Variants in B3GALT1 observed in about 807,000 individuals in gnomAD.
The protein encoded by B3GALT1 is beta-1,3-galactosyltransferase 1.
A neutral mutation model predicts 23.2 loss-of-function variants in B3GALT1; 10 were observed. The observed-to-expected ratio is 0.43, with a 90% confidence interval of 0.27 to 0.73. B3GALT1 has a LOEUF of 0.73. Among genes scored for constraint, B3GALT1 ranks in the 30% least tolerant of loss-of-function variants. The probability of loss-of-function intolerance (pLI) is 0.21; values close to 1 mark genes in which losing one functional copy is unlikely to be tolerated. For synonymous variants in B3GALT1, 156 were observed against 141.5 expected (o/e 1.10, Z -0.73); for missense variants, 299 against 405.4 (o/e 0.74, Z 2.25).
intron 3 of B3GALT1, among the ~76,000 whole-genome samples, chr2:167,746,712 C>T (rs1687658412): frequency 6.6e-6 from 1 of 152,162 alleles, no homozygotes; most frequent in South Asian, 2.1e-4. Context: ...CCATGTTATA[C>T]ACTAATTAAA....
At chr2:167,552,632 G>C (rs2105381856) in intron 2 of B3GALT1, among the ~76,000 whole-genome samples, 1 of 152,168 alleles carries the variant, frequency 6.6e-6, no homozygotes, top group Middle Eastern at 3.4e-3. Flanking sequence ...CAATAATATA[G>C]AGTAAATAGT....
At chr2:167,431,019 G>T (rs1698698306) in intron 1 of B3GALT1, among the ~76,000 whole-genome samples, 1 of 152,110 alleles carries the variant, frequency 6.6e-6, no homozygotes, top group Non-Finnish European at 1.5e-5. Flanking sequence ...TTTATATTTG[G>T]ACAACAGAGA....
At chr2:167,742,529 A>G (rs948133858) in intron 3 of B3GALT1, among the ~76,000 whole-genome samples, 1 of 152,164 alleles carries the variant, frequency 6.6e-6, no homozygotes, top group African/African-American at 2.4e-5. Context: ...AGTCCAAAAT[A>G]TGGGTGTGTA....
intron 2 of B3GALT1, among the ~76,000 whole-genome samples, chr2:167,622,151 T>G (rs940877556): frequency 3.3e-5 from 5 of 152,086 alleles, no homozygotes; most frequent in African/African-American, 1.2e-4. Flanking sequence ...TCTGTGTTCT[T>G]GGGAAAGACA....
At chr2:167,293,652 A>G (rs773402479) in intron 1 of B3GALT1, among the ~76,000 whole-genome samples, 25 of 152,232 alleles carry the variant, frequency 1.6e-4, no homozygotes, top group Admixed American at 3.3e-4. Context: ...ACGTCCTTCA[A>G]GGACCCAAGC....
At chr2:167,566,718 T>A (rs1167605563) in intron 2 of B3GALT1, among the ~76,000 whole-genome samples, 1 of 152,148 alleles carries the variant, frequency 6.6e-6, no homozygotes, top group Non-Finnish European at 1.5e-5. Context: ...CTTGAGCATG[T>A]ATAGAATGGG....
chr2:167,299,027 G>A (rs956267665), intron 1 of B3GALT1, among the ~76,000 whole-genome samples: 23 of 152,056 alleles, frequency 1.5e-4, no homozygotes, highest in Non-Finnish European at 2.9e-4. Context: ...CCTTCCACAG[G>A]GGTTTGAAGA....
At chr2:167,303,193 A>T (rs1213106852) in intron 1 of B3GALT1, among the ~76,000 whole-genome samples, 1 of 152,184 alleles carries the variant, frequency 6.6e-6, no homozygotes, top group East Asian at 1.9e-4. Flanking sequence ...TTCTTTTCAG[A>T]ACATAAGGTA....
chr2:167,677,439 C>T (rs1418439793), intron 3 of B3GALT1, among the ~76,000 whole-genome samples: 1 of 152,208 alleles, frequency 6.6e-6, no homozygotes, highest in Non-Finnish European at 1.5e-5. Context: ...GGCGTAAGCA[C>T]CATCCCACTC....
chr2:167,512,589 T>C (rs1376804011), intron 2 of B3GALT1, among the ~76,000 whole-genome samples: 1 of 91,396 alleles, frequency 1.1e-5, no homozygotes, highest in African/African-American at 4.7e-5. Context: ...TGTATATATA[T>C]ATGTGTATAT....
At chr2:167,479,012 C>T (rs913928877) in intron 1 of B3GALT1, among the ~76,000 whole-genome samples, 7 of 152,022 alleles carry the variant, frequency 4.6e-5, no homozygotes, top group Non-Finnish European at 1.0e-4. Context: ...TTCAGTGATC[C>T]TAGGTCGCGC....
intron 1 of B3GALT1, among the ~76,000 whole-genome samples, chr2:167,440,641 A>C (rs899985448): frequency 9.9e-5 from 15 of 151,868 alleles, no homozygotes; most frequent in East Asian, 1.9e-4. Flanking sequence ...AGCTATGTCC[A>C]AGTGTTTTTT....
At chr2:167,822,710 C>G (rs1689133841) in intron 4 of B3GALT1, among the ~76,000 whole-genome samples, 1 of 152,168 alleles carries the variant, frequency 6.6e-6, no homozygotes, top group East Asian at 1.9e-4. Context: ...CTGTTGCCAT[C>G]TCTTCCTATC....
intron 1 of B3GALT1, among the ~76,000 whole-genome samples, chr2:167,308,983 CG>C (rs1165781940): frequency 1.3e-5 from 2 of 152,038 alleles, no homozygotes; most frequent in African/African-American, 4.8e-5. Flanking sequence ...ATAGTGATAT[CG>C]GCAACTTTAC....
At chr2:167,751,050 G>A (rs1003277402) in intron 3 of B3GALT1, among the ~76,000 whole-genome samples, 7 of 152,104 alleles carry the variant, frequency 4.6e-5, no homozygotes, top group Non-Finnish European at 7.4e-5. Flanking sequence ...GAAAACAGGC[G>A]TAAACAACAT....
intron 4 of B3GALT1, among the ~76,000 whole-genome samples, chr2:167,851,104 T>A (rs2105416160): frequency 6.6e-6 from 1 of 152,338 alleles, no homozygotes; most frequent in East Asian, 1.9e-4. Context: ...TTTTATTTGT[T>A]TTTATCCTTT....
intron 1 of B3GALT1, among the ~76,000 whole-genome samples, chr2:167,388,519 G>A (rs1287594433): frequency 6.6e-6 from 1 of 152,062 alleles, no homozygotes. Flanking sequence ...CAGCTTGAAG[G>A]GACTACCTGA....
At chr2:167,691,545 A>G (rs980056956) in intron 3 of B3GALT1, among the ~76,000 whole-genome samples, 2 of 152,190 alleles carry the variant, frequency 1.3e-5, no homozygotes, top group East Asian at 1.9e-4. Flanking sequence ...GTCACCATGA[A>G]TGAAAAGTTT....
At chr2:167,535,332 AG>A (rs1220251967) in intron 2 of B3GALT1, among the ~76,000 whole-genome samples, 1 of 152,166 alleles carries the variant, frequency 6.6e-6, no homozygotes, top group Non-Finnish European at 1.5e-5. Context: ...GGAGTTGTTC[AG>A]TGTACAATCT....
Sources: allele counts gnomAD v4.1 joint callset (sites outside exome capture counted in the v4.1 genomes callset), GRCh38; gene constraint gnomAD v4.1.1; transcripts MANE v1.5; gene names NCBI Gene and HGNC (gene_info 2026-07-23, HGNC 2026-07-21).